The following SAMD12 variants were observed in gnomAD, a reference collection of about 807,000 sequenced individuals.
SAMD12 encodes the protein sterile alpha motif domain containing 12.
In SAMD12, 9 loss-of-function variants were observed where a neutral mutation model predicts 15.0. The ratio of observed to expected loss-of-function variants is 0.60; its 90% confidence interval spans 0.36 to 1.05. The LOEUF (loss-of-function observed/expected upper bound fraction) is 1.05. SAMD12 is among the 50% of genes least tolerant of loss of function. The pLI is 0.01. For missense variants in SAMD12, 230 were observed against 234.2 expected (o/e 0.98, Z 0.12); for synonymous variants, 86 against 90.1 (o/e 0.96, Z 0.25).
At chr8:118,585,212 G>A (rs1266746060) in intron 1 of SAMD12, among the ~76,000 whole-genome samples, 1 of 152,034 alleles carries the variant, frequency 6.6e-6, no homozygotes, top group East Asian at 1.9e-4. Context: ...GACAACTATT[G>A]GACGATTCAC....
At chr8:118,334,834 T>C (rs1816981438) in intron 4 of SAMD12, among the ~76,000 whole-genome samples, 1 of 152,156 alleles carries the variant, frequency 6.6e-6, no homozygotes, top group African/African-American at 2.4e-5. Context: ...TCTCAAGCCA[T>C]CCTCCTGCCT....
chr8:118,235,066 G>A (rs1812398019), intron 4 of SAMD12, among the ~76,000 whole-genome samples: 1 of 152,048 alleles, frequency 6.6e-6, no homozygotes, highest in Admixed American at 6.6e-5. Flanking sequence ...CAAATAAACT[G>A]TCAATTCTAT....
chr8:118,147,519 C>T, the SAMD12 span, among the ~76,000 whole-genome samples: 12 of 151,614 alleles, frequency 7.9e-5, no homozygotes, highest in Non-Finnish European at 1.2e-4. Flanking sequence ...TGCCATCTTG[C>T]CCAGCTAATT....
chr8:118,152,766 T>G, the SAMD12 span, among the ~76,000 whole-genome samples: 1 of 152,176 alleles, frequency 6.6e-6, no homozygotes, highest in Admixed American at 6.5e-5. Flanking sequence ...CCCACAGTGC[T>G]GGGATTACAA....
chr8:118,311,711 C>G (rs7827787), intron 4 of SAMD12, among the ~76,000 whole-genome samples: 2 of 152,054 alleles, frequency 1.3e-5, no homozygotes, highest in Non-Finnish European at 2.9e-5. Flanking sequence ...TATTTTTCTT[C>G]TTCCGTCTCT....
intron 4 of SAMD12, among the ~76,000 whole-genome samples, chr8:118,307,682 G>A (rs906745607): frequency 2.6e-5 from 4 of 152,200 alleles, no homozygotes; most frequent in Non-Finnish European, 5.9e-5. Flanking sequence ...TTTGCCTAAA[G>A]TTACAATGCA....
At chr8:118,547,085 A>G (rs1367663537) in intron 2 of SAMD12, among the ~76,000 whole-genome samples, 2 of 152,210 alleles carry the variant, frequency 1.3e-5, no homozygotes, top group Admixed American at 1.3e-4. Flanking sequence ...AAGTTAGGTA[A>G]CAGATAAACG....
chr8:118,576,794 A>G (rs904466598), intron 2 of SAMD12, among the ~76,000 whole-genome samples: 5 of 152,182 alleles, frequency 3.3e-5, no homozygotes, highest in African/African-American at 1.2e-4. Flanking sequence ...ATGGTGAAAA[A>G]AAGAGGCTGT....
chr8:118,449,062 C>A lies in SAMD12; in HGVS notation c.193-9101G>T, dbSNP rs1312022225. On this transcript the variant is annotated intron_variant, in intron 2 of 3. Coordinates refer to ENST00000314727, the MANE Select transcript of SAMD12 (RefSeq NM_207506.3). Reference sequence around the variant, plus strand: ...GGGCAGCAGCATGGACACAGGCAGTCTTTTTTTTTTTTTTTTTTGAGATGG... The same window carrying A: ...GGGCAGCAGCATGGACACAGGCAGTATTTTTTTTTTTTTTTTTTGAGATGG... 2.4e-5 allele frequency among the ~76,000 whole-genome samples: 3 copies of A among 126,810 alleles called. No homozygotes were observed. The South Asian group carries it at 7.8e-4, about 33-fold the overall frequency. The allele number at this position is 126,810 out of a possible 152,430, so 83.2% of individuals were successfully genotyped here.
intron 2 of SAMD12, among the ~76,000 whole-genome samples, chr8:118,481,905 G>A (rs6994733): frequency 0.013 from 1,957 of 152,302 alleles, 43 homozygotes; most frequent in African/African-American, 0.045. Context: ...CACTTACTCT[G>A]AGTCTGGCAA....
chr8:118,390,486 A>T (rs1820215171), intron 3 of SAMD12, among the ~76,000 whole-genome samples: 1 of 152,178 alleles, frequency 6.6e-6, no homozygotes, highest in South Asian at 2.1e-4. Context: ...AGTCTGAGCT[A>T]GCCCTTCATT....
intron 4 of SAMD12, among the ~76,000 whole-genome samples, chr8:118,366,132 A>G (rs988780816): frequency 6.6e-6 from 1 of 152,228 alleles, no homozygotes; most frequent in East Asian, 1.9e-4. Context: ...CTATCACAAC[A>G]TGCTGTACCT....
At chr8:118,240,536 A>G (rs1030847960) in intron 4 of SAMD12, among the ~76,000 whole-genome samples, 4 of 152,182 alleles carry the variant, frequency 2.6e-5, no homozygotes, top group African/African-American at 9.6e-5. Flanking sequence ...CCTCATCTGC[A>G]AAATGGAGGT....
the SAMD12 span, among the ~76,000 whole-genome samples, chr8:118,148,505 A>G: frequency 6.6e-6 from 1 of 152,212 alleles, no homozygotes; most frequent in African/African-American, 2.4e-5. Flanking sequence ...AAACATTATG[A>G]TCTTTTAAAA....
At chr8:118,407,373 G>A (rs979535330) in intron 3 of SAMD12, among the ~76,000 whole-genome samples, 8 of 152,076 alleles carry the variant, frequency 5.3e-5, no homozygotes, top group African/African-American at 1.9e-4. Context: ...GCCATGAAGT[G>A]ACATATCATC....
rs77588076 is a variant in SAMD12, at chr8:118,518,366, C to T, written c.192+62349G>A. Among the ~76,000 whole-genome samples, 592 of 152,262 alleles carry T rather than the reference C, an allele frequency of 3.9e-3. 2 individuals are homozygous for T. Among genetic ancestry groups the T allele is most frequent in the African/African-American group, 0.013 (537 of 41,542 alleles). ...AGCAAGAACCTGTGATAGGAAGTAACAAAGGCGATATCCCTTCACATTAAA... is the reference window on the plus strand; with the variant it reads ...AGCAAGAACCTGTGATAGGAAGTAATAAAGGCGATATCCCTTCACATTAAA... On this transcript the variant is annotated intron_variant, in intron 2 of 3. Transcript: ENST00000314727.
chr8:118,301,246 C>T (rs1252444185), intron 4 of SAMD12, among the ~76,000 whole-genome samples: 1 of 152,170 alleles, frequency 6.6e-6, no homozygotes, highest in Non-Finnish European at 1.5e-5. Context: ...CTGTAGTCAA[C>T]ATGGGGACCT....
At chr8:118,192,685 G>T (rs1586328132) in exon 5 of SAMD12, 1 of 152,166 alleles carries the variant, frequency 6.6e-6, no homozygotes, top group East Asian at 1.9e-4. Flanking sequence ...AAATTGAAAA[G>T]AATTTATGAA....
the SAMD12 span, among the ~76,000 whole-genome samples, chr8:118,149,154 T>A: frequency 6.6e-6 from 1 of 152,214 alleles, no homozygotes; most frequent in African/African-American, 2.4e-5. Flanking sequence ...TGCAGGAACG[T>A]GCCACTGCAC....
Sources: allele counts gnomAD v4.1 joint callset (sites outside exome capture counted in the v4.1 genomes callset), GRCh38; gene constraint gnomAD v4.1.1; transcripts MANE v1.5; gene names NCBI Gene and HGNC (gene_info 2026-07-23, HGNC 2026-07-21).